COL5A2: variants seen among roughly 807,000 people sequenced by gnomAD.
COL5A2 encodes the protein collagen alpha-2(V) chain.
In COL5A2, 23 loss-of-function variants were observed where a neutral mutation model predicts 208.2. The observed-to-expected ratio is 0.11, with a 90% CI of 0.08 to 0.16. The LOEUF (loss-of-function observed/expected upper bound fraction) is 0.16. Ranked by LOEUF, COL5A2 falls within the 10% of genes least tolerant of loss-of-function variation. COL5A2 has a pLI of 1.00. For missense variants in COL5A2, 1,590 were observed against 1,956.4 expected, an observed-to-expected ratio of 0.81 and a Z score of 3.53; for synonymous variants, 625 against 628.5, an observed-to-expected ratio of 0.99 and a Z score of 0.08.
chr2:189,100,748 A>C (rs1007073620), intron 3 of COL5A2, among the ~76,000 whole-genome samples: 2 of 151,978 alleles, frequency 1.3e-5, no homozygotes, highest in African/African-American at 2.4e-5. Flanking sequence ...CTAGGAAAAA[A>C]AATCAATTGA....
chr2:189,235,475 A>G, the COL5A2 span, among the ~76,000 whole-genome samples: 1 of 151,644 alleles, frequency 6.6e-6, no homozygotes, highest in African/African-American at 2.4e-5. Context: ...TGTAATCAAC[A>G]CTCAGATTCT....
At chr2:189,223,059 G>T (rs1689367677) in intron 1 of COL5A2, among the ~76,000 whole-genome samples, 1 of 152,038 alleles carries the variant, frequency 6.6e-6, no homozygotes, top group African/African-American at 2.4e-5. Flanking sequence ...TTAAATATCT[G>T]GGTTTTGTCT....
At chr2:189,295,542 G>C in the COL5A2 span, among the ~76,000 whole-genome samples, 1 of 152,292 alleles carries the variant, frequency 6.6e-6, no homozygotes, top group Admixed American at 6.5e-5. Context: ...TTGAACCCGG[G>C]AGGCAGAAGT....
chr2:189,119,489 T>C (rs980341460), intron 1 of COL5A2, among the ~76,000 whole-genome samples: 1 of 152,126 alleles, frequency 6.6e-6, no homozygotes, highest in Non-Finnish European at 1.5e-5. Flanking sequence ...CCTTAACAAG[T>C]AAACATGGGC....
At chr2:189,152,398 C>T (rs1302509339) in intron 1 of COL5A2, among the ~76,000 whole-genome samples, 4 of 152,126 alleles carry the variant, frequency 2.6e-5, no homozygotes, top group Non-Finnish European at 5.9e-5. Context: ...ATTAAGATGT[C>T]AAAGGGCATG....
At chr2:189,157,034 G>C (rs1688260730) in intron 1 of COL5A2, among the ~76,000 whole-genome samples, 1 of 142,062 alleles carries the variant, frequency 7.0e-6, no homozygotes, top group Admixed American at 6.9e-5. Flanking sequence ...CTCCACAAGG[G>C]ATAGCACTGA....
intron 2 of COL5A2, among the ~76,000 whole-genome samples, chr2:189,107,147 T>C (rs1156323617): frequency 1.3e-5 from 2 of 151,702 alleles, no homozygotes; most frequent in East Asian, 3.9e-4. Context: ...TAAAACCATC[T>C]GATTTCTTTT....
At chr2:189,080,292 T>C (rs1686502613) in intron 13 of COL5A2, among the ~76,000 whole-genome samples, 1 of 152,196 alleles carries the variant, frequency 6.6e-6, no homozygotes, top group African/African-American at 2.4e-5. Flanking sequence ...ATTTAATCTG[T>C]AGCTACAAAT....
In COL5A2 at chr2:189,208,989, C is replaced by G. The variant is rs548204586; in HGVS notation, c.-42+16159G>C. On this transcript the variant is annotated intron_variant, in intron 1 of 10. Transcript: ENST00000649966. ...TTTCCCACAACTGGCCTCATCTGGC[C>G]CCCTCGGAGGTACTAGTAGCATGCA... 2.0e-5 allele frequency among the ~76,000 whole-genome samples: 3 copies of G among 152,276 alleles called. 1 individual carries two copies. The South Asian group carries it at 6.2e-4, about 32-fold the overall frequency.
the COL5A2 span, among the ~76,000 whole-genome samples, chr2:189,365,616 C>A: frequency 9.5e-4 from 144 of 152,176 alleles, no homozygotes; most frequent in Admixed American, 1.6e-3. Context: ...TATGGCTGCA[C>A]TGGGGCAGCT....
intron 1 of COL5A2, among the ~76,000 whole-genome samples, chr2:189,153,397 CAG>C (rs1688183502): frequency 6.6e-6 from 1 of 152,192 alleles, no homozygotes; most frequent in Non-Finnish European, 1.5e-5. Flanking sequence ...TTACATGATT[CAG>C]TCAAGACCAT....
chr2:189,241,938 T>A, the COL5A2 span, among the ~76,000 whole-genome samples: 4 of 152,216 alleles, frequency 2.6e-5, no homozygotes. Context: ...TCCCATTTTA[T>A]GTACTTTTCT....
chr2:189,112,064 T>C (rs887519943), intron 1 of COL5A2, among the ~76,000 whole-genome samples: 4 of 152,018 alleles, frequency 2.6e-5, no homozygotes, highest in African/African-American at 4.8e-5. Flanking sequence ...GGTTTCGCCG[T>C]GTTTGCCAGG....
the COL5A2 span, among the ~76,000 whole-genome samples, chr2:189,231,416 C>T: frequency 6.6e-6 from 1 of 151,414 alleles, no homozygotes; most frequent in East Asian, 1.9e-4. Context: ...AAAGGTAAGC[C>T]CCTTCTGAAA....
chr2:189,057,074 C>G (rs777308864), intron 34 of COL5A2, 48 bp from the exon 35 acceptor site: 2 of 1,578,514 alleles, frequency 1.3e-6, no homozygotes, highest in African/African-American at 2.7e-5. Context: ...TGTCTCTTTC[C>G]CACACTTGTG....
chr2:189,345,507 T>C, the COL5A2 span, among the ~76,000 whole-genome samples: 1 of 152,076 alleles, frequency 6.6e-6, no homozygotes, highest in Non-Finnish European at 1.5e-5. Context: ...ACCACTGATA[T>C]TTAAGATTCT....
chr2:189,057,290 G>GTAAA, intron 34 of COL5A2, 30 bp downstream of exon 34: 1 of 709,922 alleles, frequency 1.4e-6, no homozygotes, highest in South Asian at 1.8e-5. Context: ...TAAATGAACT[G>GTAAA]AAAAAAAAAA....
At chr2:189,300,912 C>A in the COL5A2 span, among the ~76,000 whole-genome samples, 2 of 152,124 alleles carry the variant, frequency 1.3e-5, no homozygotes, top group Non-Finnish European at 2.9e-5. Flanking sequence ...TCTGGCTGGG[C>A]ATGGTGGATC....
chr2:189,323,404 T>C, the COL5A2 span, among the ~76,000 whole-genome samples: 1 of 152,158 alleles, frequency 6.6e-6, no homozygotes, highest in Non-Finnish European at 1.5e-5. Flanking sequence ...GATGACATGA[T>C]TGTACATCTA....
Sources: gnomAD v4.1 joint callset for allele counts (sites outside exome capture counted in the v4.1 genomes callset) on GRCh38, gnomAD v4.1.1 for gene constraint, MANE v1.5 for transcripts, NCBI Gene and HGNC (gene_info 2026-07-23, HGNC 2026-07-21) for gene names.